The following STK3 variants were observed in gnomAD, a reference collection of about 807,000 sequenced individuals.
STK3 encodes the protein serine/threonine kinase 3.
In STK3, 41 loss-of-function variants were observed where a neutral mutation model predicts 58.0. The observed-to-expected ratio is 0.71, with a 90% CI of 0.55 to 0.92. The LOEUF is 0.92. Among genes scored for constraint, STK3 ranks in the 40% least tolerant of loss-of-function variants. The pLI, the probability that STK3 is intolerant of heterozygous loss-of-function variation, is 0.00. For synonymous variants in STK3, 170 were observed against 191.0 expected, an observed-to-expected ratio of 0.89 and a Z score of 0.91; for missense variants, 479 against 602.7, an observed-to-expected ratio of 0.79 and a Z score of 2.15.
chr8:98,622,283 T>C (rs1021270450), intron 6 of STK3, among the ~76,000 whole-genome samples: 3 of 150,954 alleles, frequency 2.0e-5, no homozygotes, highest in Admixed American at 2.0e-4. Flanking sequence ...AAAAAAAAAA[T>C]TGGATTTTTT....
chr8:98,911,750 G>T (rs1222258700), intron 1 of STK3, among the ~76,000 whole-genome samples: 1 of 151,648 alleles, frequency 6.6e-6, no homozygotes, highest in Non-Finnish European at 1.5e-5. Flanking sequence ...TTTGAATGGG[G>T]GCCTTATAAT....
intron 1 of STK3, among the ~76,000 whole-genome samples, chr8:98,923,947 T>C (rs1479526054): frequency 1.3e-5 from 2 of 151,894 alleles, no homozygotes; most frequent in African/African-American, 4.8e-5. Context: ...TTCTTTTTAT[T>C]TTTTTCCCCC....
chr8:98,359,018 AGAAAGAGC>A, the STK3 span, among the ~76,000 whole-genome samples: 1 of 152,176 alleles, frequency 6.6e-6, no homozygotes, highest in South Asian at 2.1e-4. Flanking sequence ...ACTTTTCCGA[AGAAAGAGC>A]TGGGGAAATG....
intron 6 of STK3, chr8:98,603,516 T>G (rs1816527219): frequency 2.0e-5 from 3 of 152,138 alleles, no homozygotes. Context: ...GGATTACAGG[T>G]GTGAGCCACC....
chr8:98,864,752 A>G (rs1367795586), intron 3 of STK3, among the ~76,000 whole-genome samples: 1 of 152,184 alleles, frequency 6.6e-6, no homozygotes, highest in Non-Finnish European at 1.5e-5. Context: ...AATAAGATAG[A>G]AGTTTGTATC....
At chr8:98,537,504 T>C (rs1809868186) in intron 9 of STK3, among the ~76,000 whole-genome samples, 2 of 152,102 alleles carry the variant, frequency 1.3e-5, no homozygotes, top group African/African-American at 2.4e-5. Flanking sequence ...TTAAAAAAAA[T>C]ACTAGGCTCT....
chr8:98,941,080 G>C (rs1840404614), intron 1 of STK3, among the ~76,000 whole-genome samples: 1 of 152,148 alleles, frequency 6.6e-6, no homozygotes, highest in African/African-American at 2.4e-5. Flanking sequence ...CGGTGTGGCC[G>C]CCCCCTCAGC....
Position 98,852,223 on chromosome 8 carries a change from C to T in STK3, c.110+31424G>A, listed in dbSNP as rs142455487. Among the ~76,000 whole-genome samples, 1,116 of 151,938 alleles carry T rather than the reference C, an allele frequency of 7.3e-3. 17 individuals are homozygous for T. Among genetic ancestry groups the T allele is most frequent in the East Asian group, 0.043 (223 of 5,170 alleles). The stretch of plus-strand genomic sequence containing the variant: ...CGTGATCTTGGCTCACTGCAACCTC[C>T]GCCTCCCAGGTTCAAGCAATTCTGT... On this transcript the variant is annotated intron_variant, in intron 3 of 12. Transcript: ENST00000523601.
intron 3 of STK3, among the ~76,000 whole-genome samples, chr8:98,866,870 A>G (rs962079811): frequency 6.6e-6 from 1 of 152,136 alleles, no homozygotes; most frequent in Non-Finnish European, 1.5e-5. Context: ...CACACAATTG[A>G]TAAGTCATCA....
chr8:98,728,381 T>C (rs1223103692), intron 4 of STK3, among the ~76,000 whole-genome samples: 2 of 152,186 alleles, frequency 1.3e-5, no homozygotes, highest in Non-Finnish European at 2.9e-5. Context: ...AGAGAGAGGT[T>C]GTCTTTCATG....
chr8:98,426,342 G>A (rs1286247854), intron 3 of STK3, among the ~76,000 whole-genome samples: 2 of 152,096 alleles, frequency 1.3e-5, no homozygotes, highest in Non-Finnish European at 2.9e-5. Context: ...TAATGAACGC[G>A]GTACACACAG....
Position 98,637,488 on chromosome 8 carries a change from G to A in STK3, c.685-41319C>T, listed in dbSNP as rs545912865. Reference sequence around the variant, plus strand: ...CAGTGGCTACAGAGCATCACAGCCTGAACTTCATTTTGGCTAACACCAACC... The same window carrying A: ...CAGTGGCTACAGAGCATCACAGCCTAAACTTCATTTTGGCTAACACCAACC... On this transcript the variant is annotated intron_variant, in intron 6 of 10. Transcript: ENST00000419617. Among the ~76,000 whole-genome samples, 3 of 152,274 alleles carry A rather than the reference G, an allele frequency of 2.0e-5. No individual in the cohort carries two copies. The East Asian group carries it at 5.8e-4, about 29-fold the overall frequency.
intron 1 of STK3, among the ~76,000 whole-genome samples, chr8:98,379,613 C>G (rs1454163693): frequency 6.6e-6 from 1 of 152,280 alleles, no homozygotes; most frequent in Non-Finnish European, 1.5e-5. Flanking sequence ...ACAGCAGATC[C>G]AGAAGTCACA....
At chr8:98,902,097 C>T (rs1272500772) in intron 1 of STK3, among the ~76,000 whole-genome samples, 1 of 152,146 alleles carries the variant, frequency 6.6e-6, no homozygotes, top group Non-Finnish European at 1.5e-5. Context: ...GCGCTTTCTT[C>T]TGCTTTTCTG....
At chr8:98,651,647 G>A (rs1405833713) in intron 6 of STK3, 3 of 152,210 alleles carry the variant, frequency 2.0e-5, no homozygotes, top group Non-Finnish European at 4.4e-5. Flanking sequence ...AGTGCTTAAA[G>A]GAGCTGATGG....
chr8:98,445,483 AG>A (rs1267670230), intron 1 of STK3, among the ~76,000 whole-genome samples: 2 of 152,186 alleles, frequency 1.3e-5, no homozygotes, highest in Non-Finnish European at 2.9e-5. Flanking sequence ...TAAATATAAA[AG>A]ATTATTGAGA....
chr8:98,444,330 G>A (rs965980469), intron 1 of STK3, among the ~76,000 whole-genome samples: 2 of 152,160 alleles, frequency 1.3e-5, no homozygotes, highest in East Asian at 1.9e-4. Flanking sequence ...AGGAGAGGGA[G>A]GTGGGGCCCT....
intron 6 of STK3, among the ~76,000 whole-genome samples, chr8:98,647,496 A>C (rs1820489616): frequency 1.3e-5 from 2 of 152,232 alleles, no homozygotes; most frequent in Admixed American, 6.5e-5. Context: ...AAATTTGAAT[A>C]CATGAAAATA....
intron 10 of STK3, among the ~76,000 whole-genome samples, chr8:98,478,336 G>C (rs917349069): frequency 4.6e-5 from 7 of 152,176 alleles, no homozygotes; most frequent in African/African-American, 1.7e-4. Context: ...GGGTGGGGTG[G>C]AAGAAGGGGA....
Sources: gnomAD v4.1 joint callset for allele counts (sites outside exome capture counted in the v4.1 genomes callset) on GRCh38, gnomAD v4.1.1 for gene constraint, MANE v1.5 for transcripts, NCBI Gene and HGNC (gene_info 2026-07-23, HGNC 2026-07-21) for gene names.